GALNT17: variants seen among roughly 807,000 people sequenced by gnomAD.
GALNT17 encodes the protein UDP-GalNAc:polypeptide N-acetylgalactosaminyltransferase-like 3.
GALNT17 carries 29 observed loss-of-function variants against 63.7 expected under a neutral mutation model. The observed-to-expected ratio is 0.46, with a 90% CI of 0.34 to 0.62. The LOEUF is 0.62. Ranked by LOEUF, GALNT17 falls within the 20% of genes least tolerant of loss-of-function variation. The probability of loss-of-function intolerance (pLI) is 0.01; values close to 1 mark genes in which losing one functional copy is unlikely to be tolerated. For missense variants in GALNT17, 603 were observed against 799.6 expected, an observed-to-expected ratio of 0.75 and a Z score of 2.97; for synonymous variants, 305 against 318.3, an observed-to-expected ratio of 0.96 and a Z score of 0.45.
At chr7:71,354,086 G>A (rs1006088009) in intron 2 of GALNT17, among the ~76,000 whole-genome samples, 2 of 152,208 alleles carry the variant, frequency 1.3e-5, no homozygotes, top group Admixed American at 6.5e-5. Flanking sequence ...GTACCATGGG[G>A]GAATGGTGTT....
intron 1 of GALNT17, among the ~76,000 whole-genome samples, chr7:71,268,549 CAATA>C (rs3061640): frequency 0.12 from 16,845 of 135,144 alleles, 2,676 homozygotes; most frequent in African/African-American, 0.37. Flanking sequence ...AGATCCATCT[CAATA>C]AATAAATAAA....
chr7:71,173,229 G>C (rs909958284), intron 1 of GALNT17, among the ~76,000 whole-genome samples: 6 of 152,096 alleles, frequency 3.9e-5, no homozygotes, highest in African/African-American at 1.2e-4. Flanking sequence ...GACCCTCAGG[G>C]ACCGTCAGGG....
chr7:71,542,924 C>T (rs534067249), intron 5 of GALNT17, among the ~76,000 whole-genome samples: 5 of 151,770 alleles, frequency 3.3e-5, no homozygotes, highest in Admixed American at 6.6e-5. Context: ...TTGGGGGTCC[C>T]GATAACTTTT....
intron 9 of GALNT17, among the ~76,000 whole-genome samples, chr7:71,689,200 G>A (rs537793490): frequency 9.2e-5 from 14 of 152,030 alleles, no homozygotes; most frequent in African/African-American, 3.4e-4. Context: ...TCTATTCCCC[G>A]AGACACAGCA....
At chr7:71,528,900 C>T (rs546204968) in intron 5 of GALNT17, among the ~76,000 whole-genome samples, 17 of 152,162 alleles carry the variant, frequency 1.1e-4, no homozygotes, top group South Asian at 4.2e-4. Flanking sequence ...TTCGGGAGGC[C>T]GAGGAGGGAA....
At position 71,298,711 on chromosome 7, in the gene GALNT17, GGTGTGTGTGT is replaced by G. The variant is rs10602909; in HGVS notation, c.239-36820_239-36811del. Among the ~76,000 whole-genome samples, 13 of 141,516 alleles carry G rather than the reference GGTGTGTGTGT, an allele frequency of 9.2e-5. 1 individual carries two copies. Among genetic ancestry groups the G allele is most frequent in the East Asian group, 2.2e-4 (1 of 4,472 alleles). 92.8% of individuals were successfully genotyped at this position (141,516 alleles called of 152,430 possible). A position where few individuals can be genotyped will look rare whatever the true frequency, so the allele number is the denominator to read the frequency against. ...TTGTGCACGACTTTTATTCCAGTGG[GGTGTGTGTGT>G]GTGTGTGTGTGTGTGTGTATGTATG... On this transcript the variant is annotated intron_variant, in intron 1 of 10. Transcript: ENST00000333538.
intron 8 of GALNT17, among the ~76,000 whole-genome samples, chr7:71,675,824 T>TA (rs1015267684): frequency 7.3e-4 from 111 of 152,088 alleles, no homozygotes; most frequent in African/African-American, 2.6e-3. Flanking sequence ...CCATCTCTGC[T>TA]AAAAATACAA....
At chr7:71,249,538 C>A (rs1370066607) in intron 1 of GALNT17, among the ~76,000 whole-genome samples, 3 of 152,122 alleles carry the variant, frequency 2.0e-5, no homozygotes, top group African/African-American at 7.2e-5. Context: ...ATTTATTTTC[C>A]AATATGGTTT....
At chr7:71,705,891 C>T (rs510918) in intron 9 of GALNT17, among the ~76,000 whole-genome samples, 149,949 of 152,188 alleles carry the variant, frequency 0.99, 73,903 homozygotes, top group East Asian at 1. Flanking sequence ...GCCTACTGAA[C>T]GTGCAGAGGA....
At chr7:71,180,113 CAAT>C (rs1294146283) in intron 1 of GALNT17, among the ~76,000 whole-genome samples, 3 of 151,924 alleles carry the variant, frequency 2.0e-5, no homozygotes, top group East Asian at 1.9e-4. Flanking sequence ...ATCAAGACAA[CAAT>C]GAGTATTTTT....
chr7:71,192,111 C>T (rs147074427), intron 1 of GALNT17, among the ~76,000 whole-genome samples: 2 of 152,258 alleles, frequency 1.3e-5, no homozygotes, highest in Non-Finnish European at 2.9e-5. Context: ...ATCTGATGTT[C>T]GAGGTCAGGA....
At chr7:71,377,348 A>AAAAAAATGTC (rs11271368) in intron 2 of GALNT17, among the ~76,000 whole-genome samples, 114,861 of 151,046 alleles carry the variant, frequency 0.76, 44,765 homozygotes, top group African/African-American at 0.93. Context: ...GTAGGTGAAT[A>AAAAAAATGTC]TTCGGAGAAT....
chr7:71,477,209 G>A (rs2116631057), intron 5 of GALNT17, among the ~76,000 whole-genome samples: 1 of 152,132 alleles, frequency 6.6e-6, no homozygotes, highest in African/African-American at 2.4e-5. Flanking sequence ...TAACTTGGTG[G>A]GTTGTGTTGA....
At chr7:71,328,005 G>A (rs1284134000) in intron 1 of GALNT17, among the ~76,000 whole-genome samples, 2 of 152,166 alleles carry the variant, frequency 1.3e-5, no homozygotes, top group African/African-American at 4.8e-5. Flanking sequence ...AGCCAGGGGG[G>A]CAGGTGAACC....
At chr7:71,576,641 GC>G (rs2116889715) in intron 6 of GALNT17, among the ~76,000 whole-genome samples, 1 of 151,992 alleles carries the variant, frequency 6.6e-6, no homozygotes, top group South Asian at 2.1e-4. Flanking sequence ...CACGATCTCA[GC>G]TCACTGCAAC....
chr7:71,227,865 G>A (rs899414359), intron 1 of GALNT17, among the ~76,000 whole-genome samples: 1 of 152,136 alleles, frequency 6.6e-6, no homozygotes, highest in Non-Finnish European at 1.5e-5. Context: ...ACGGGTTGAG[G>A]AAGAGACACA....
chr7:71,192,122 A>G (rs1185982826), intron 1 of GALNT17, among the ~76,000 whole-genome samples: 2 of 152,164 alleles, frequency 1.3e-5, no homozygotes, highest in Non-Finnish European at 2.9e-5. Flanking sequence ...GAGGTCAGGA[A>G]GCATCCAGCA....
intron 6 of GALNT17, among the ~76,000 whole-genome samples, chr7:71,627,750 T>C (rs11979523): frequency 0.076 from 11,549 of 152,194 alleles, 545 homozygotes; most frequent in African/African-American, 0.14. Context: ...TAATTTACAA[T>C]AACATGTATA....
In GALNT17 at chr7:71,702,312, A is replaced by G. The variant is rs183997835; in HGVS notation, c.1501-8449A>G. On this transcript the variant is annotated intron_variant, in intron 9 of 10. Coordinates refer to ENST00000333538, the MANE Select transcript of GALNT17 (RefSeq NM_022479.3). ...AAATAGAAAAACAGAAAGATACCTAAAGGAAGAGTATTCAAGAGAGAAGGA... is the reference window on the plus strand; with the variant it reads ...AAATAGAAAAACAGAAAGATACCTAGAGGAAGAGTATTCAAGAGAGAAGGA... Among the ~76,000 whole-genome samples the G allele has an allele frequency of 2.4e-4, 36 of 152,288 alleles. 1 individual carries two copies. Among genetic ancestry groups the G allele is most frequent in the Non-Finnish European group, 1.2e-4 (8 of 68,032 alleles).
Sources: gnomAD v4.1 joint callset for allele counts (sites outside exome capture counted in the v4.1 genomes callset) on GRCh38, gnomAD v4.1.1 for gene constraint, MANE v1.5 for transcripts, NCBI Gene and HGNC (gene_info 2026-07-23, HGNC 2026-07-21) for gene names.